Variants in MEGF9 observed in about 807,000 individuals in gnomAD.
MEGF9 encodes multiple EGF like domains 9.
Under a neutral mutation model 46.8 loss-of-function variants are expected in MEGF9, and 6 were observed. That is an observed-to-expected ratio of 0.13 (90% CI 0.07 to 0.25). MEGF9 has a LOEUF of 0.25. Among genes scored for constraint, MEGF9 ranks in the 10% least tolerant of loss-of-function variants. The pLI is 1.00. For missense variants in MEGF9, 683 were observed against 792.4 expected (o/e 0.86, Z 1.66); for synonymous variants, 302 against 330.7 (o/e 0.91, Z 0.94).
intron 2 of MEGF9, among the ~76,000 whole-genome samples, chr9:120,632,085 G>A (rs1281954963): frequency 3.9e-5 from 6 of 152,080 alleles, no homozygotes; most frequent in African/African-American, 9.6e-5. Context: ...ATGCTACCAC[G>A]CCCAGCTAAT....
At chr9:120,641,024 C>T (rs2043600632) in intron 2 of MEGF9, among the ~76,000 whole-genome samples, 1 of 152,160 alleles carries the variant, frequency 6.6e-6, no homozygotes, top group Admixed American at 6.5e-5. Context: ...CATGTTGCTG[C>T]AACAGATATG....
intron 1 of MEGF9, among the ~76,000 whole-genome samples, chr9:120,674,451 GAA>G (rs1186536882): frequency 1.3e-5 from 2 of 152,174 alleles, no homozygotes; most frequent in Non-Finnish European, 2.9e-5. Flanking sequence ...ACATCTAAGA[GAA>G]TGGCAAATTT....
intron 2 of MEGF9, among the ~76,000 whole-genome samples, chr9:120,643,711 CT>C (rs905342541): frequency 4.1e-4 from 58 of 141,382 alleles, no homozygotes; most frequent in Admixed American, 4.9e-4. Context: ...TTTTTTTTTT[CT>C]TTTTTTTTTT....
intron 2 of MEGF9, among the ~76,000 whole-genome samples, chr9:120,642,612 G>A (rs146586193): frequency 6.3e-4 from 96 of 152,184 alleles, no homozygotes; most frequent in Non-Finnish European, 1.2e-3. Flanking sequence ...AGCTTCTTTC[G>A]GTGAACATGT....
intron 2 of MEGF9, among the ~76,000 whole-genome samples, chr9:120,654,041 G>A (rs2043665411): frequency 6.6e-6 from 1 of 152,272 alleles, no homozygotes; most frequent in African/African-American, 2.4e-5. Context: ...TAGGACGGAG[G>A]CTGGGAAGAA....
intron 1 of MEGF9, among the ~76,000 whole-genome samples, chr9:120,670,351 C>T (rs1292788180): frequency 5.3e-5 from 8 of 152,184 alleles, no homozygotes; most frequent in African/African-American, 7.2e-5. Context: ...CCCACCTCAG[C>T]CTCCTAAAGT....
At chr9:120,695,437 C>G (rs139530433) in intron 1 of MEGF9, among the ~76,000 whole-genome samples, 1 of 151,702 alleles carries the variant, frequency 6.6e-6, no homozygotes, top group South Asian at 2.1e-4. Context: ...AACCCCGTCT[C>G]TACTAAAAAT....
intron 1 of MEGF9, among the ~76,000 whole-genome samples, chr9:120,681,572 GA>G (rs111533821): frequency 4.7e-4 from 66 of 141,806 alleles, no homozygotes; most frequent in Admixed American, 1.1e-3. Flanking sequence ...TGTGCCTAAT[GA>G]AAAAAAAAAA....
intron 1 of MEGF9, among the ~76,000 whole-genome samples, chr9:120,659,874 A>C (rs775434010): frequency 3.3e-5 from 5 of 150,912 alleles, no homozygotes; most frequent in African/African-American, 7.3e-5. Flanking sequence ...TCTACATGGC[A>C]CTAAGGGCAC....
At chr9:120,699,724 T>TA (rs60740438) in intron 1 of MEGF9, among the ~76,000 whole-genome samples, 21,320 of 112,238 alleles carry the variant, frequency 0.19, 2,103 homozygotes, top group Non-Finnish European at 0.24. Context: ...CCGTGTTTCT[T>TA]AAAAAAAAAA....
At chr9:120,684,923 T>G (rs2043815305) in intron 1 of MEGF9, among the ~76,000 whole-genome samples, 1 of 151,556 alleles carries the variant, frequency 6.6e-6, no homozygotes, top group South Asian at 2.1e-4. Context: ...AAGCTCCACC[T>G]CCCAGGGTTC....
At chr9:120,669,251 G>A (rs745435466) in intron 1 of MEGF9, among the ~76,000 whole-genome samples, 1 of 152,032 alleles carries the variant, frequency 6.6e-6, no homozygotes, top group Non-Finnish European at 1.5e-5. Context: ...CTCAATGATG[G>A]CAAATTTTCT....
At chr9:120,670,842 C>T (rs557545955) in intron 1 of MEGF9, among the ~76,000 whole-genome samples, 19 of 152,206 alleles carry the variant, frequency 1.2e-4, no homozygotes, top group Non-Finnish European at 2.2e-4. Flanking sequence ...CAAGCTTTCA[C>T]TCTTTACAGA....
intron 2 of MEGF9, among the ~76,000 whole-genome samples, chr9:120,632,277 T>A (rs2043553819): frequency 6.6e-6 from 1 of 152,032 alleles, no homozygotes; most frequent in African/African-American, 2.4e-5. Flanking sequence ...CTTTCATCAG[T>A]GTTTTATAGT....
intron 1 of MEGF9, among the ~76,000 whole-genome samples, chr9:120,663,067 G>A (rs771430460): frequency 5.3e-5 from 8 of 152,146 alleles, no homozygotes; most frequent in Non-Finnish European, 1.0e-4. Context: ...CTGTAGCAGG[G>A]TGAATGGCAA....
chr9:120,640,843 C>A (rs1333329775), intron 2 of MEGF9, among the ~76,000 whole-genome samples: 1 of 151,142 alleles, frequency 6.6e-6, no homozygotes, highest in Non-Finnish European at 1.5e-5. Context: ...GTTTTTCAAC[C>A]CTTTACCCCC....
At position 120,709,245 on chromosome 9, in the gene MEGF9, T is replaced by C. The variant is rs140292602; in HGVS notation, c.601+4513A>G. ...CAGCCTGGCCAACATGGTGAAACCCTGTCTGTACTAAAAATACAAAAAGTA... is the reference window on the plus strand; with the variant it reads ...CAGCCTGGCCAACATGGTGAAACCCCGTCTGTACTAAAAATACAAAAAGTA... On this transcript the variant is annotated intron_variant, in intron 1 of 5. Coordinates refer to ENST00000373930, the MANE Select transcript of MEGF9 (RefSeq NM_001080497.3). Among the ~76,000 whole-genome samples, 586 of 151,528 alleles carry C rather than the reference T, an allele frequency of 3.9e-3. 37 individuals are homozygous for C. In the East Asian group the frequency reaches 0.1, roughly 27 times the overall value.
intron 2 of MEGF9, among the ~76,000 whole-genome samples, chr9:120,656,500 T>C (rs1260865960): frequency 7.3e-6 from 1 of 137,638 alleles, no homozygotes; most frequent in Non-Finnish European, 1.5e-5. Flanking sequence ...TGAGCCAAGA[T>C]CGTGCCACTG....
At chr9:120,627,383 T>C (rs2043529895) in intron 2 of MEGF9, among the ~76,000 whole-genome samples, 1 of 152,244 alleles carries the variant, frequency 6.6e-6, no homozygotes, top group Non-Finnish European at 1.5e-5. Flanking sequence ...AGTACGTGTG[T>C]ATGTATATTT....
Sources: allele counts gnomAD v4.1 joint callset (sites outside exome capture counted in the v4.1 genomes callset), GRCh38; gene constraint gnomAD v4.1.1; transcripts MANE v1.5; gene names NCBI Gene and HGNC (gene_info 2026-07-23, HGNC 2026-07-21).